Variants in DLGAP4 observed in about 807,000 individuals in gnomAD.
DLGAP4 encodes disks large-associated protein 4.
A neutral mutation model predicts 86.9 loss-of-function variants in DLGAP4; 18 were observed. The ratio of observed to expected loss-of-function variants is 0.21; its 90% confidence interval spans 0.14 to 0.31. DLGAP4 has a LOEUF of 0.31. DLGAP4 is among the 10% of genes least tolerant of loss of function. The pLI, the probability that DLGAP4 is intolerant of heterozygous loss-of-function variation, is 1.00. For missense variants in DLGAP4, 1,085 were observed against 1,362.6 expected, an observed-to-expected ratio of 0.80 and a Z score of 3.21; for synonymous variants, 548 against 574.3, an observed-to-expected ratio of 0.95 and a Z score of 0.65.
At chr20:36,311,489 T>A (rs1260791111) in intron 1 of DLGAP4, among the ~76,000 whole-genome samples, 1 of 152,186 alleles carries the variant, frequency 6.6e-6, no homozygotes, top group Non-Finnish European at 1.5e-5. Context: ...CAGGGCTGGT[T>A]GCAAAACCAG....
At chr20:36,445,333 G>C (rs62210516) in intron 6 of DLGAP4, among the ~76,000 whole-genome samples, 2 of 151,812 alleles carry the variant, frequency 1.3e-5, no homozygotes, top group African/African-American at 2.4e-5. Context: ...GTGAAACCCC[G>C]TCTCTACTAA....
rs780464751 is a variant in DLGAP4 at position 36,394,350 on chromosome 20, A to ACTGCCCTGCGACT, written c.-73+27097_-73+27109dup. Reference sequence around the variant, plus strand: ...CGCTGGCTGGATGGGTGCTTGGGCCACTGCCCTGCGACTCTGCCCTGCGAC... The same window carrying ACTGCCCTGCGACT: ...CGCTGGCTGGATGGGTGCTTGGGCCACTGCCCTGCGACTCTGCCCTGCGACTCTGCCCTGCGAC... On this transcript the variant is annotated intron_variant, in intron 2 of 12. Transcript: ENST00000339266. Among the ~76,000 whole-genome samples, 45 of 152,240 alleles carry ACTGCCCTGCGACT rather than the reference A, an allele frequency of 3.0e-4. 1 individual carries two copies. The highest frequency in any genetic ancestry group is 1.1e-3 in the African/African-American group (44 of 41,552).
At chr20:36,319,149 G>GAA (rs540112715) in intron 1 of DLGAP4, among the ~76,000 whole-genome samples, 2 of 127,580 alleles carry the variant, frequency 1.6e-5, no homozygotes, top group Non-Finnish European at 3.4e-5. Context: ...CTCAAAAAAA[G>GAA]AAAAAAAAAA....
rs938906378 is a variant in DLGAP4, at chr20:36,316,132, A to G, written c.-304+9620A>G. Among the ~76,000 whole-genome samples the G allele has an allele frequency of 4.7e-4, 71 of 152,168 alleles. 1 individual carries two copies. The highest frequency in any genetic ancestry group is 4.1e-3 in the Admixed American group (62 of 15,290). Reference sequence around the variant, plus strand: ...CCCCATTGACCTCCCCTTCTCAAGCATCTTTTGGCAACAGCCTTCATGGCC... The same window carrying G: ...CCCCATTGACCTCCCCTTCTCAAGCGTCTTTTGGCAACAGCCTTCATGGCC... On this transcript the variant is annotated intron_variant, in intron 1 of 12. Coordinates refer to ENST00000339266, the MANE Select transcript of DLGAP4 (RefSeq NM_001365621.2).
chr20:36,415,844 T>C (rs1306929866), intron 2 of DLGAP4, among the ~76,000 whole-genome samples: 1 of 152,076 alleles, frequency 6.6e-6, no homozygotes, highest in Non-Finnish European at 1.5e-5. Context: ...GGTCCCCAGG[T>C]GAGGCCTGGA....
At chr20:36,466,987 C>G (rs866686625) in intron 7 of DLGAP4, among the ~76,000 whole-genome samples, 1 of 147,090 alleles carries the variant, frequency 6.8e-6, no homozygotes, top group Non-Finnish European at 1.5e-5. Flanking sequence ...CTCTCTCTCT[C>G]TCTGTCTCTG....
intron 1 of DLGAP4, among the ~76,000 whole-genome samples, chr20:36,348,457 C>T (rs1374279571): frequency 2.0e-5 from 3 of 151,850 alleles, no homozygotes; most frequent in South Asian, 2.1e-4. Context: ...TCTCTCTTGT[C>T]GCCCATCTCG....
intron 2 of DLGAP4, among the ~76,000 whole-genome samples, chr20:36,409,696 C>T (rs1034417431): frequency 2.1e-5 from 3 of 146,238 alleles, no homozygotes; most frequent in African/African-American, 7.6e-5. Context: ...GCCTGGGCAA[C>T]AGAGCAAGAC....
intron 7 of DLGAP4, chr20:36,462,651 C>T: frequency 6.4e-7 from 1 of 1,554,214 alleles, no homozygotes. Context: ...AGGCTGGCCG[C>T]GGCCGAGGCT....
In DLGAP4 at chr20:36,447,639, G is replaced by A. The variant is rs6019700; in HGVS notation, c.1648+702G>A. Among the ~76,000 whole-genome samples, 218 of 152,030 alleles carry A rather than the reference G, an allele frequency of 1.4e-3. 2 individuals carry two copies. The highest frequency in any genetic ancestry group is 2.4e-3 in the Non-Finnish European group (162 of 67,962). ...TTTCACCATGTTGGCCAGGCTGGTC[G>A]TGAACTTCTGACCTCAAGGGATCTG... On this transcript the variant is annotated intron_variant, in intron 7 of 12. Coordinates refer to ENST00000339266, the MANE Select transcript of DLGAP4 (RefSeq NM_001365621.2).
At position 36,436,124 on chromosome 20, in the gene DLGAP4, G is replaced by A. The variant is rs1459634067; in HGVS notation, c.1015G>A (p.Gly339Ser). ...YHYLQVPGGGGEWSTTLLSPR... is the reference protein window; with the variant it reads ...YHYLQVPGGGSEWSTTLLSPR... Reference sequence around the variant, plus strand: ...CCATCCCCAGGTGCCCGGCGGCGGCGGCGAGTGGAGCACCACGCTGCTGTC... The same window carrying A: ...CCATCCCCAGGTGCCCGGCGGCGGCAGCGAGTGGAGCACCACGCTGCTGTC... Residue 339 changes from glycine (G) to serine (S), a missense_variant, in exon 4 of 13, where the codon GGC becomes AGC. Physicochemically the swap from Gly to Ser is moderately conservative, Grantham distance 56. Transcript: ENST00000339266. 4 of 1,574,314 alleles carry A rather than the reference G, an allele frequency of 2.5e-6. No homozygotes were observed. The highest frequency in any genetic ancestry group is 2.7e-5 in the African/African-American group (2 of 73,870).
At chr20:36,345,310 A>T (rs1293133999) in intron 1 of DLGAP4, among the ~76,000 whole-genome samples, 1 of 152,134 alleles carries the variant, frequency 6.6e-6, no homozygotes, top group Non-Finnish European at 1.5e-5. Context: ...AATTTGAAGC[A>T]TGTGTTGTTT....
intron 4 of DLGAP4, among the ~76,000 whole-genome samples, chr20:36,437,126 C>A (rs1379530121): frequency 6.6e-6 from 1 of 152,164 alleles, no homozygotes; most frequent in Non-Finnish European, 1.5e-5. Context: ...ATGATCCAGG[C>A]CCCCTAAGTG....
chr20:36,487,244 C>G (rs750243860), intron 7 of DLGAP4, among the ~76,000 whole-genome samples: 9 of 152,166 alleles, frequency 5.9e-5, no homozygotes, highest in Non-Finnish European at 8.8e-5. Context: ...TCATTCTGGA[C>G]ACACTCAACT....
intron 8 of DLGAP4, chr20:36,497,723 G>A (rs2035948745): frequency 1.2e-6 from 1 of 811,730 alleles, no homozygotes; most frequent in Non-Finnish European, 1.5e-6. Flanking sequence ...AAAGTCAGCA[G>A]GCCCTCCATA....
chr20:36,361,013 G>A (rs2030501740), intron 1 of DLGAP4, among the ~76,000 whole-genome samples: 1 of 151,948 alleles, frequency 6.6e-6, no homozygotes, highest in Admixed American at 6.6e-5. Context: ...CGAGTCGTGG[G>A]GGCCAATGGC....
In DLGAP4 at chr20:36,420,108, C is replaced by T. The variant is rs538891255; in HGVS notation, c.-72-11538C>T. The stretch of plus-strand genomic sequence containing the variant: ...TGATTGGCTTGAGTGGAAAACTTAA[C>T]TACCCTGTAGCTGCCTCACTTTCTG... On this transcript the variant is annotated intron_variant, in intron 2 of 12. Transcript: ENST00000339266. Among the ~76,000 whole-genome samples the T allele has an allele frequency of 2.6e-5, 4 of 152,348 alleles. No individual in the cohort carries two copies. In the South Asian group the frequency reaches 8.3e-4, roughly 32 times the overall value.
chr20:36,312,475 C>A (rs2065062466), intron 1 of DLGAP4, among the ~76,000 whole-genome samples: 1 of 152,190 alleles, frequency 6.6e-6, no homozygotes, highest in Non-Finnish European at 1.5e-5. Context: ...GGTCACCCAC[C>A]TCTGGGAGTC....
At chr20:36,352,488 G>A (rs542118948) in intron 1 of DLGAP4, among the ~76,000 whole-genome samples, 3 of 152,186 alleles carry the variant, frequency 2.0e-5, no homozygotes, top group African/African-American at 7.2e-5. Flanking sequence ...GGATTCTAGA[G>A]ATGTTTTGAA....
Sources: allele counts gnomAD v4.1 joint callset (sites outside exome capture counted in the v4.1 genomes callset), GRCh38; gene constraint gnomAD v4.1.1; transcripts MANE v1.5; gene names NCBI Gene and HGNC (gene_info 2026-07-23, HGNC 2026-07-21).